ELMO1: variants seen among roughly 807,000 people sequenced by gnomAD.
ELMO1 encodes the protein engulfment and cell motility 1, also known as engulfment and cell motility protein 1.
ELMO1 carries 26 observed loss-of-function variants against 98.9 expected under a neutral mutation model. That is an observed-to-expected ratio of 0.26 (90% CI 0.19 to 0.36). ELMO1 has a LOEUF of 0.36. ELMO1 is among the 10% of genes least tolerant of loss of function. ELMO1 has a pLI of 1.00. For missense variants in ELMO1, 627 were observed against 935.2 expected, an observed-to-expected ratio of 0.67 and a Z score of 4.30; for synonymous variants, 346 against 346.0, an observed-to-expected ratio of 1.00 and a Z score of 0.00.
intron 16 of ELMO1, among the ~76,000 whole-genome samples, chr7:36,937,506 T>G (rs1786651026): frequency 6.6e-6 from 1 of 152,224 alleles, no homozygotes; most frequent in East Asian, 1.9e-4. Flanking sequence ...TCCAAAACTA[T>G]GAGACCATAA....
chr7:37,200,111 T>A (rs1473331414), intron 13 of ELMO1, among the ~76,000 whole-genome samples: 1 of 152,222 alleles, frequency 6.6e-6, no homozygotes, highest in Non-Finnish European at 1.5e-5. Flanking sequence ...TTTCGCTCTG[T>A]TGCCCAGGCT....
At chr7:37,025,823 A>G (rs1439587007) in intron 15 of ELMO1, among the ~76,000 whole-genome samples, 11 of 151,152 alleles carry the variant, frequency 7.3e-5, no homozygotes, top group East Asian at 1.9e-4. Context: ...ACATACATAT[A>G]TATCATATAT....
At chr7:37,281,559 T>G (rs1797143416) in intron 4 of ELMO1, among the ~76,000 whole-genome samples, 1 of 152,232 alleles carries the variant, frequency 6.6e-6, no homozygotes, top group South Asian at 2.1e-4. Context: ...TCAGCCCATC[T>G]GCTTTAGAAT....
chr7:37,399,298 T>G (rs549416490), intron 1 of ELMO1, among the ~76,000 whole-genome samples: 11 of 152,262 alleles, frequency 7.2e-5, no homozygotes, highest in African/African-American at 2.2e-4. Context: ...AGGCAGTGGG[T>G]TCCTGGGCAA....
chr7:36,973,833 C>G (rs1027129760), intron 16 of ELMO1, among the ~76,000 whole-genome samples: 1 of 152,256 alleles, frequency 6.6e-6, no homozygotes, highest in Non-Finnish European at 1.5e-5. Context: ...GGCCCGCACT[C>G]GGAGCAGCCG....
intron 13 of ELMO1, among the ~76,000 whole-genome samples, chr7:37,140,150 C>A (rs111696477): frequency 0.036 from 5,396 of 150,808 alleles, 98 homozygotes; most frequent in Middle Eastern, 0.089. Flanking sequence ...CCATGGTGGG[C>A]AGATCACGAG....
intron 1 of ELMO1, among the ~76,000 whole-genome samples, chr7:37,391,259 G>A (rs891432971): frequency 6.6e-6 from 1 of 152,066 alleles, no homozygotes; most frequent in Non-Finnish European, 1.5e-5. Context: ...TGGAATTACA[G>A]GTGCCCACCA....
intron 18 of ELMO1, among the ~76,000 whole-genome samples, chr7:36,880,696 C>G (rs1414316102): frequency 6.6e-6 from 1 of 152,144 alleles, no homozygotes; most frequent in Non-Finnish European, 1.5e-5. Flanking sequence ...TGTTGTTTCC[C>G]AGGTCTGGGA....
chr7:37,296,354 C>T (rs1292572301), intron 4 of ELMO1, among the ~76,000 whole-genome samples: 1 of 152,188 alleles, frequency 6.6e-6, no homozygotes, highest in African/African-American at 2.4e-5. Context: ...GCCCTCTCCA[C>T]AACATGGCAG....
intron 1 of ELMO1, among the ~76,000 whole-genome samples, chr7:37,402,853 G>C (rs1296042408): frequency 6.6e-6 from 1 of 152,130 alleles, no homozygotes; most frequent in Non-Finnish European, 1.5e-5. Flanking sequence ...AAAAGCAAGG[G>C]GGAATGATGT....
chr7:37,065,052 A>G (rs1195241622), intron 15 of ELMO1, among the ~76,000 whole-genome samples: 1 of 152,104 alleles, frequency 6.6e-6, no homozygotes, highest in African/African-American at 2.4e-5. Flanking sequence ...CATCTTTACA[A>G]AAACTCACTC....
At chr7:37,031,489 G>A (rs940051457) in intron 15 of ELMO1, among the ~76,000 whole-genome samples, 22 of 152,004 alleles carry the variant, frequency 1.4e-4, no homozygotes, top group African/African-American at 4.1e-4. Flanking sequence ...ATCTCAATTC[G>A]CTCCTCAGTG....
chr7:37,053,530 T>C (rs1254960479), intron 15 of ELMO1, among the ~76,000 whole-genome samples: 2 of 152,220 alleles, frequency 1.3e-5, no homozygotes, highest in Non-Finnish European at 2.9e-5. Context: ...CATCGACTGT[T>C]GCTTCCAGAC....
intron 1 of ELMO1, among the ~76,000 whole-genome samples, chr7:37,397,951 G>A (rs113842652): frequency 0.037 from 5,571 of 152,214 alleles, 345 homozygotes; most frequent in African/African-American, 0.13. Flanking sequence ...GCTGAACAAT[G>A]AGAACACATG....
intron 16 of ELMO1, among the ~76,000 whole-genome samples, chr7:36,914,877 T>C (rs1784581676): frequency 1.4e-5 from 2 of 147,566 alleles, no homozygotes; most frequent in African/African-American, 2.5e-5. Context: ...GTAAACTGCC[T>C]TCTGGTATAA....
intron 16 of ELMO1, among the ~76,000 whole-genome samples, chr7:36,955,847 C>T (rs1788398288): frequency 6.6e-6 from 1 of 152,154 alleles, no homozygotes; most frequent in African/African-American, 2.4e-5. Context: ...TTTCAAAGTC[C>T]AGTTCAGATA....
intron 16 of ELMO1, among the ~76,000 whole-genome samples, chr7:36,975,495 C>G (rs1009687400): frequency 9.2e-5 from 14 of 151,632 alleles, no homozygotes; most frequent in African/African-American, 3.1e-4. Context: ...AAATTTTCAT[C>G]AAAGTTGAAA....
At chr7:36,976,194 C>T (rs551883621) in intron 16 of ELMO1, among the ~76,000 whole-genome samples, 63 of 152,346 alleles carry the variant, frequency 4.1e-4, no homozygotes, top group African/African-American at 1.5e-3. Flanking sequence ...ATTTGGCCCA[C>T]AGGCCATCAT....
chr7:37,377,454 G>A (rs1290552941), intron 1 of ELMO1, among the ~76,000 whole-genome samples: 1 of 152,148 alleles, frequency 6.6e-6, no homozygotes, highest in Admixed American at 6.5e-5. Context: ...GAATGCGCCA[G>A]TACCACCAAC....
Sources: allele counts gnomAD v4.1 joint callset (sites outside exome capture counted in the v4.1 genomes callset), GRCh38; gene constraint gnomAD v4.1.1; transcripts MANE v1.5; gene names NCBI Gene and HGNC (gene_info 2026-07-23, HGNC 2026-07-21).